The following RPS6KC1 variants were observed in gnomAD, a reference collection of about 807,000 sequenced individuals.
The protein encoded by RPS6KC1 is ribosomal protein S6 kinase C1.
In RPS6KC1, 54 loss-of-function variants were observed where a neutral mutation model predicts 103.8. The observed-to-expected ratio is 0.52, with a 90% CI of 0.42 to 0.65. The LOEUF is 0.65. Among genes scored for constraint, RPS6KC1 ranks in the 30% least tolerant of loss-of-function variants. The pLI, the probability that RPS6KC1 is intolerant of heterozygous loss-of-function variation, is 0.00. For synonymous variants in RPS6KC1, 439 were observed against 438.7 expected, an observed-to-expected ratio of 1.00 and a Z score of -0.01; for missense variants, 1,151 against 1,253.8, an observed-to-expected ratio of 0.92 and a Z score of 1.24.
the RPS6KC1 span, among the ~76,000 whole-genome samples, chr1:213,782,521 CAT>C: frequency 6.6e-6 from 1 of 151,968 alleles, no homozygotes; most frequent in Non-Finnish European, 1.5e-5. Flanking sequence ...ACTCGGGACA[CAT>C]AGTGTCCACG....
At chr1:213,552,637 G>A in the RPS6KC1 span, among the ~76,000 whole-genome samples, 1 of 152,080 alleles carries the variant, frequency 6.6e-6, no homozygotes, top group Non-Finnish European at 1.5e-5. Flanking sequence ...CCAGGCCGTG[G>A]CTTGTTTTTA....
At chr1:213,601,617 A>G in the RPS6KC1 span, among the ~76,000 whole-genome samples, 2 of 151,940 alleles carry the variant, frequency 1.3e-5, no homozygotes, top group African/African-American at 2.4e-5. Flanking sequence ...CTGTTGGGTC[A>G]GTGACAGCTT....
chr1:213,352,673 C>T, the RPS6KC1 span, among the ~76,000 whole-genome samples: 1 of 152,154 alleles, frequency 6.6e-6, no homozygotes, highest in African/African-American at 2.4e-5. Flanking sequence ...AAAACAGATC[C>T]ACAGGTGACT....
chr1:213,602,014 T>TTCTTTCTTTCTTTCTCTTTC, the RPS6KC1 span, among the ~76,000 whole-genome samples: 1 of 27,010 alleles, frequency 3.7e-5, no homozygotes, highest in African/African-American at 9.9e-5. Flanking sequence ...TTCTTTTCTT[T>TTCTTTCTTTCTTTCTCTTTC]TCTTTCTTTC....
At chr1:213,545,038 G>A in the RPS6KC1 span, among the ~76,000 whole-genome samples, 1 of 152,086 alleles carries the variant, frequency 6.6e-6, no homozygotes, top group Non-Finnish European at 1.5e-5. Context: ...AGGTCAAGGT[G>A]TCTATAGGGT....
the RPS6KC1 span, among the ~76,000 whole-genome samples, chr1:213,391,431 T>C: frequency 1.1e-4 from 17 of 152,256 alleles, no homozygotes; most frequent in Middle Eastern, 3.4e-3. Flanking sequence ...GCAGAGGAGA[T>C]GGAAGTCCGT....
the RPS6KC1 span, among the ~76,000 whole-genome samples, chr1:213,715,018 ACAG>A: frequency 6.6e-6 from 1 of 152,216 alleles, no homozygotes; most frequent in Admixed American, 6.5e-5. Flanking sequence ...AGGTGAGAGA[ACAG>A]CAGAACCAGA....
At chr1:213,810,617 T>C in the RPS6KC1 span, among the ~76,000 whole-genome samples, 1 of 152,162 alleles carries the variant, frequency 6.6e-6, no homozygotes, top group Admixed American at 6.5e-5. Context: ...TACAAATGAC[T>C]GCGTAAAGAA....
At chr1:213,398,523 C>T in the RPS6KC1 span, among the ~76,000 whole-genome samples, 3 of 152,126 alleles carry the variant, frequency 2.0e-5, no homozygotes, top group Admixed American at 1.3e-4. Context: ...TTTGCTGAGC[C>T]TGTCACACTT....
chr1:213,670,631 T>C, the RPS6KC1 span, among the ~76,000 whole-genome samples: 1 of 152,086 alleles, frequency 6.6e-6, no homozygotes, highest in African/African-American at 2.4e-5. Flanking sequence ...CAGGCCAGGA[T>C]AGGGGCCTGG....
At chr1:213,510,938 T>G in the RPS6KC1 span, among the ~76,000 whole-genome samples, 2 of 152,122 alleles carry the variant, frequency 1.3e-5, no homozygotes, top group Non-Finnish European at 2.9e-5. Context: ...GACTGAGTAC[T>G]TAACTGTGTG....
chr1:213,854,562 T>TTCTTTCTTTCTTTCTTTCTTTCTC, the RPS6KC1 span, among the ~76,000 whole-genome samples: 2 of 122,550 alleles, frequency 1.6e-5, no homozygotes, highest in East Asian at 2.5e-4. Flanking sequence ...CTTTCTTTCT[T>TTCTTTCTTTCTTTCTTTCTTTCTC]TCTCTCTCTC....
chr1:213,322,539 A>G, the RPS6KC1 span, among the ~76,000 whole-genome samples: 2 of 152,316 alleles, frequency 1.3e-5, no homozygotes, highest in Admixed American at 1.3e-4. Context: ...TTAACAAATT[A>G]CCACAAATGT....
intron 8 of RPS6KC1, among the ~76,000 whole-genome samples, chr1:213,216,939 C>A (rs1336445003): frequency 6.6e-6 from 1 of 151,932 alleles, no homozygotes; most frequent in Non-Finnish European, 1.5e-5. Flanking sequence ...AAAATTGACA[C>A]CCTAACATCA....
the RPS6KC1 span, chr1:213,817,997 G>A: frequency 3.1e-4 from 47 of 152,118 alleles, no homozygotes; most frequent in Non-Finnish European, 5.7e-4. Flanking sequence ...CTTTGATCTT[G>A]TTATTGTAAT....
chr1:213,151,350 C>G (rs1389743351), intron 6 of RPS6KC1, among the ~76,000 whole-genome samples: 1 of 131,320 alleles, frequency 7.6e-6, no homozygotes, highest in Non-Finnish European at 1.6e-5. Flanking sequence ...GGGGGGCTAA[C>G]CCCCCCACCT....
At chr1:213,374,259 A>G in the RPS6KC1 span, among the ~76,000 whole-genome samples, 16 of 152,266 alleles carry the variant, frequency 1.1e-4, no homozygotes, top group Non-Finnish European at 2.1e-4. Flanking sequence ...AATCTGGATC[A>G]GTGAGATTCA....
the RPS6KC1 span, among the ~76,000 whole-genome samples, chr1:213,850,899 A>G: frequency 1.3e-5 from 2 of 151,514 alleles, no homozygotes; most frequent in African/African-American, 4.9e-5. Context: ...GATTTCATGT[A>G]TTGTGTAAAT....
chr1:213,803,644 G>A, the RPS6KC1 span, among the ~76,000 whole-genome samples: 8 of 152,098 alleles, frequency 5.3e-5, no homozygotes, highest in African/African-American at 1.4e-4. Flanking sequence ...CAGGGGTGGC[G>A]AGGTTGTCTT....
Sources: gnomAD v4.1 joint callset for allele counts (sites outside exome capture counted in the v4.1 genomes callset) on GRCh38, gnomAD v4.1.1 for gene constraint, MANE v1.5 for transcripts, NCBI Gene and HGNC (gene_info 2026-07-23, HGNC 2026-07-21) for gene names.